AP3B1: variants seen among roughly 807,000 people sequenced by gnomAD.
AP3B1 encodes adaptor related protein complex 3 subunit beta 1.
AP3B1 carries 61 observed loss-of-function variants against 132.5 expected under a neutral mutation model. That is an observed-to-expected ratio of 0.46 (90% CI 0.37 to 0.57). The LOEUF is 0.57. AP3B1 is among the 20% of genes least tolerant of loss of function. The probability of loss-of-function intolerance (pLI) is 0.00; values close to 1 mark genes in which losing one functional copy is unlikely to be tolerated. For synonymous variants in AP3B1, 388 were observed against 438.3 expected (o/e 0.89, Z 1.43); for missense variants, 1,120 against 1,289.4 (o/e 0.87, Z 2.01).
chr5:78,173,980 T>C (rs1028102562), intron 11 of AP3B1, among the ~76,000 whole-genome samples: 3 of 152,196 alleles, frequency 2.0e-5, no homozygotes, highest in Non-Finnish European at 2.9e-5. Flanking sequence ...GAATCGGCTA[T>C]TGAAGCTTGT....
In AP3B1 at chr5:78,096,356, C is replaced by T. The variant is rs544397443; in HGVS notation, c.2470+4597G>A. ...GGAGTGCAGTGGCATGATCTTGGCT[C>T]GCTACAACCTCCACCTCCCAGCCAC... On this transcript the variant is annotated intron_variant, in intron 21 of 26. Transcript: ENST00000255194. 8.9e-4 allele frequency among the ~76,000 whole-genome samples: 136 copies of T among 152,244 alleles called. 1 individual carries two copies. The highest frequency in any genetic ancestry group is 1.7e-3 in the Non-Finnish European group (117 of 67,992).
chr5:78,124,755 A>T (rs1371889198), intron 17 of AP3B1, among the ~76,000 whole-genome samples: 2 of 152,176 alleles, frequency 1.3e-5, no homozygotes, highest in African/African-American at 4.8e-5. Flanking sequence ...CTATAAACAA[A>T]GCTCTCTTAT....
At chr5:78,154,305 A>C (rs1743048226) in intron 14 of AP3B1, among the ~76,000 whole-genome samples, 1 of 152,192 alleles carries the variant, frequency 6.6e-6, no homozygotes, top group Non-Finnish European at 1.5e-5. Flanking sequence ...GTTTCCACTG[A>C]AAAGTCTGCT....
chr5:78,187,329 T>A (rs768575398), intron 7 of AP3B1, among the ~76,000 whole-genome samples: 2 of 152,188 alleles, frequency 1.3e-5, no homozygotes, highest in Non-Finnish European at 2.9e-5. Flanking sequence ...CTGAAAGTGA[T>A]ACATAATGAA....
intron 3 of AP3B1, among the ~76,000 whole-genome samples, chr5:78,235,357 T>C (rs557481995): frequency 1.3e-5 from 2 of 152,288 alleles, no homozygotes; most frequent in East Asian, 1.9e-4. Context: ...CTCTAGAATA[T>C]ATCACAGAGT....
chr5:78,165,782 T>C (rs1184082007), intron 11 of AP3B1, 110 bp from the exon 12 acceptor site: 11 of 867,082 alleles, frequency 1.3e-5, no homozygotes. Flanking sequence ...AAAAATCACA[T>C]TGTCAGCCGG....
intron 13 of AP3B1, among the ~76,000 whole-genome samples, chr5:78,158,824 G>A (rs867279089): frequency 3.9e-4 from 59 of 152,026 alleles, no homozygotes; most frequent in African/African-American, 1.3e-3. Flanking sequence ...AGCCTCCCAA[G>A]CAGCTGGGAT....
chr5:78,123,095 G>T (rs1282280887), intron 17 of AP3B1, among the ~76,000 whole-genome samples: 1 of 152,226 alleles, frequency 6.6e-6, no homozygotes, highest in Non-Finnish European at 1.5e-5. Flanking sequence ...AAGCAACGGG[G>T]AAAGGATTCC....
chr5:78,118,235 C>T (rs1011924441), intron 17 of AP3B1, among the ~76,000 whole-genome samples: 14 of 152,152 alleles, frequency 9.2e-5, no homozygotes, highest in South Asian at 4.1e-4. Flanking sequence ...GGAACAGCTC[C>T]GGTCTACAGC....
At chr5:78,134,149 CAAAA>C (rs397961933) in intron 15 of AP3B1, among the ~76,000 whole-genome samples, 18 of 74,194 alleles carry the variant, frequency 2.4e-4, no homozygotes, top group Non-Finnish European at 2.9e-4. Flanking sequence ...AGACTCGCCT[CAAAA>C]AAAAAAAAAA....
chr5:78,043,912 G>A, intron 22 of AP3B1: 1 of 354,200 alleles, frequency 2.8e-6, no homozygotes, highest in South Asian at 2.7e-5. Context: ...CCATGGGTTG[G>A]GGATGATGTT....
rs542832848 is a variant in AP3B1 at position 78,230,510 on chromosome 5, A to G, written c.280-2271T>C. 1.8e-4 allele frequency among the ~76,000 whole-genome samples: 28 copies of G among 152,352 alleles called. 1 individual carries two copies. Among genetic ancestry groups the G allele is most frequent in the South Asian group, 6.2e-4 (3 of 4,828 alleles). ...AATGGCTCCACAAAACCTTAAAAAC[A>G]AAATCTAAAGCTCTTAACCTAGTAC... On this transcript the variant is annotated intron_variant, in intron 3 of 26. Coordinates refer to ENST00000255194, the MANE Select transcript of AP3B1 (RefSeq NM_003664.5).
chr5:78,159,213 CTAAG>C (rs1219481009), intron 13 of AP3B1, among the ~76,000 whole-genome samples: 1 of 151,976 alleles, frequency 6.6e-6, no homozygotes, highest in African/African-American at 2.4e-5. Flanking sequence ...CAAAACTAGC[CTAAG>C]TAAGAGAAAA....
At chr5:78,107,088 C>A (rs1342766665) in intron 20 of AP3B1, among the ~76,000 whole-genome samples, 1 of 152,130 alleles carries the variant, frequency 6.6e-6, no homozygotes, top group African/African-American at 2.4e-5. Context: ...CAATTAATAT[C>A]TCAAAAGACT....
At chr5:78,114,927 T>G (rs1751760797) in intron 18 of AP3B1, among the ~76,000 whole-genome samples, 1 of 152,148 alleles carries the variant, frequency 6.6e-6, no homozygotes, top group Non-Finnish European at 1.5e-5. Flanking sequence ...CTTCTCTGGG[T>G]TTTGGTTTCC....
rs758680279 is a variant in AP3B1 at position 78,165,664 on chromosome 5, A to C, written c.1176T>G (p.Ile392Met). 1.2e-5 allele frequency: 20 copies of C among 1,602,918 alleles called. No homozygotes were observed. Among genetic ancestry groups the C allele is most frequent in the Non-Finnish European group, 1.5e-5 (18 of 1,171,574 alleles). Residue 392 changes from isoleucine (I) to methionine (M), a missense_variant, in exon 12 of 27, where the codon ATT becomes ATG. This residue lies in a region of AP3B1 where 906 missense variants were observed against 997.1 expected (regional missense o/e 0.91). Coordinates refer to ENST00000255194, the MANE Select transcript of AP3B1 (RefSeq NM_003664.5). The stretch of plus-strand genomic sequence containing the variant: ...TGGCTTCATTTGCCAAGTTTGTCAA[A>C]ATTTCAAGCTATAGTAGAGAAAAGA... ...PTMIKTLKLE[I>M]LTNLANEANI...
rs914825668 is a variant in AP3B1, at chr5:78,239,316, T to C, written c.279+1546A>G. The stretch of plus-strand genomic sequence containing the variant: ...TGAAGCCCTGTCTCTGTTCAAAATA[T>C]GAAAATTAGCTGGACATGGTGGCAT... On this transcript the variant is annotated intron_variant, in intron 3 of 26. Transcript: ENST00000255194. Among the ~76,000 whole-genome samples the C allele has an allele frequency of 2.1e-5, 3 of 144,726 alleles. No homozygotes were observed. In the Admixed American group the frequency reaches 2.1e-4, roughly 10 times the overall value. 94.9% of individuals were successfully genotyped at this position (144,726 alleles called of 152,430 possible). A position where few individuals can be genotyped will look rare whatever the true frequency, so the allele number is the denominator to read the frequency against.
intron 3 of AP3B1, among the ~76,000 whole-genome samples, chr5:78,229,061 T>C (rs1451137732): frequency 6.6e-6 from 1 of 151,984 alleles, no homozygotes; most frequent in African/African-American, 2.4e-5. Flanking sequence ...GCCTCTCCAG[T>C]GGCTGGAACT....
intron 11 of AP3B1, among the ~76,000 whole-genome samples, chr5:78,173,333 AT>A (rs1744006111): frequency 6.6e-6 from 1 of 152,046 alleles, no homozygotes; most frequent in Non-Finnish European, 1.5e-5. Flanking sequence ...TGTCTCGTTG[AT>A]TTGTCTAATA....
Sources: allele counts gnomAD v4.1 joint callset (sites outside exome capture counted in the v4.1 genomes callset), GRCh38; gene constraint gnomAD v4.1.1; regional missense constraint gnomAD v4.1.1; transcripts MANE v1.5; gene names NCBI Gene and HGNC (gene_info 2026-07-23, HGNC 2026-07-21).